SCHIP1: variants seen among roughly 807,000 people sequenced by gnomAD.
The protein encoded by SCHIP1 is schwannomin-interacting protein 1.
Under a neutral mutation model 29.7 loss-of-function variants are expected in SCHIP1, and 8 were observed. That is an observed-to-expected ratio of 0.27 (90% confidence interval 0.16 to 0.49). SCHIP1 has a LOEUF of 0.49. Among genes scored for constraint, SCHIP1 ranks in the 20% least tolerant of loss-of-function variants. SCHIP1 has a pLI of 0.99. For synonymous variants in SCHIP1, 76 were observed against 94.9 expected (o/e 0.80, Z 1.16); for missense variants, 193 against 294.6 (o/e 0.66, Z 2.52).
At chr3:159,699,569 G>T in the SCHIP1 span, among the ~76,000 whole-genome samples, 112 of 152,328 alleles carry the variant, frequency 7.4e-4, 2 homozygotes, top group East Asian at 0.018. Flanking sequence ...TGTGCAAACT[G>T]TGGTTGTAAG....
At chr3:159,424,461 G>T in the SCHIP1 span, among the ~76,000 whole-genome samples, 8 of 152,164 alleles carry the variant, frequency 5.3e-5, no homozygotes, top group African/African-American at 1.7e-4. Flanking sequence ...TGAAATGAAT[G>T]AAATGAAGTG....
the SCHIP1 span, among the ~76,000 whole-genome samples, chr3:159,620,282 C>A: frequency 2.6e-5 from 4 of 152,142 alleles, no homozygotes; most frequent in Non-Finnish European, 4.4e-5. Flanking sequence ...ATCTCTGATG[C>A]CACTGAGTGT....
chr3:159,421,623 A>G, the SCHIP1 span, among the ~76,000 whole-genome samples: 11 of 152,176 alleles, frequency 7.2e-5, no homozygotes, highest in Admixed American at 2.6e-4. Flanking sequence ...AATAGCCTGG[A>G]TGGTGTTTTG....
At chr3:159,534,023 T>A in the SCHIP1 span, among the ~76,000 whole-genome samples, 1 of 152,214 alleles carries the variant, frequency 6.6e-6, no homozygotes, top group South Asian at 2.1e-4. Context: ...TTTGGTCATC[T>A]TCATTCTTTG....
chr3:159,504,483 C>G, the SCHIP1 span, among the ~76,000 whole-genome samples: 1 of 152,134 alleles, frequency 6.6e-6, no homozygotes, highest in Non-Finnish European at 1.5e-5. Flanking sequence ...AATCTTCATA[C>G]ATTCAACAGG....
At chr3:159,423,359 C>G in the SCHIP1 span, among the ~76,000 whole-genome samples, 1 of 152,256 alleles carries the variant, frequency 6.6e-6, no homozygotes, top group Non-Finnish European at 1.5e-5. Flanking sequence ...CACCTGAATA[C>G]TGCACTTTTC....
the SCHIP1 span, among the ~76,000 whole-genome samples, chr3:159,414,157 G>A: frequency 2.6e-4 from 39 of 152,280 alleles, no homozygotes; most frequent in African/African-American, 8.7e-4. Context: ...ATGGAGAAAA[G>A]GATAAGAGTA....
At chr3:159,424,675 C>G in the SCHIP1 span, among the ~76,000 whole-genome samples, 2 of 152,102 alleles carry the variant, frequency 1.3e-5, no homozygotes, top group South Asian at 2.1e-4. Context: ...CATTCAGATT[C>G]AGGAAATACA....
chr3:159,454,930 T>C, the SCHIP1 span, among the ~76,000 whole-genome samples: 1 of 152,224 alleles, frequency 6.6e-6, no homozygotes, highest in Non-Finnish European at 1.5e-5. Flanking sequence ...TCTTTTAAAA[T>C]AGATCACTAT....
the SCHIP1 span, among the ~76,000 whole-genome samples, chr3:159,608,049 G>C: frequency 1.3e-5 from 2 of 152,132 alleles, no homozygotes; most frequent in Non-Finnish European, 2.9e-5. Flanking sequence ...AGGACTATTG[G>C]GGAAGCCATT....
the SCHIP1 span, among the ~76,000 whole-genome samples, chr3:159,646,183 A>G: frequency 6.6e-6 from 1 of 152,132 alleles, no homozygotes; most frequent in Non-Finnish European, 1.5e-5. Context: ...GATGCATCTC[A>G]CCACTCTCCA....
the SCHIP1 span, among the ~76,000 whole-genome samples, chr3:159,444,494 T>TA: frequency 0.026 from 3,905 of 150,666 alleles, 153 homozygotes; most frequent in African/African-American, 0.086. Context: ...TGCTGCACCT[T>TA]AAAAAAAAAG....
At chr3:159,412,407 G>A in the SCHIP1 span, among the ~76,000 whole-genome samples, 1 of 152,178 alleles carries the variant, frequency 6.6e-6, no homozygotes, top group East Asian at 1.9e-4. Context: ...GGCAAACAAG[G>A]ATATATGTAA....
chr3:159,719,568 G>A, the SCHIP1 span, among the ~76,000 whole-genome samples: 1 of 152,154 alleles, frequency 6.6e-6, no homozygotes, highest in African/African-American at 2.4e-5. Flanking sequence ...TCCAAAAGTG[G>A]GTGAAGGATA....
chr3:159,399,459 G>A, the SCHIP1 span, among the ~76,000 whole-genome samples: 2 of 152,140 alleles, frequency 1.3e-5, no homozygotes, highest in Non-Finnish European at 2.9e-5. Context: ...CCAGAACAGT[G>A]CTTGGGACAC....
chr3:159,430,539 G>C, the SCHIP1 span, among the ~76,000 whole-genome samples: 5 of 152,064 alleles, frequency 3.3e-5, no homozygotes, highest in Non-Finnish European at 7.4e-5. Flanking sequence ...GGTTCCTTGG[G>C]GCATTGAATA....
intron 1 of SCHIP1, among the ~76,000 whole-genome samples, chr3:159,848,664 C>T (rs971891963): frequency 6.6e-6 from 1 of 151,524 alleles, no homozygotes; most frequent in Middle Eastern, 3.2e-3. Context: ...TCCTAGGGGT[C>T]TCTCTTTTTT....
At chr3:159,775,258 T>C in the SCHIP1 span, among the ~76,000 whole-genome samples, 1 of 152,246 alleles carries the variant, frequency 6.6e-6, no homozygotes, top group African/African-American at 2.4e-5. Context: ...TACAAAAAGC[T>C]TCTATCAGGA....
chr3:159,587,040 C>A, the SCHIP1 span, among the ~76,000 whole-genome samples: 6 of 152,162 alleles, frequency 3.9e-5, no homozygotes, highest in African/African-American at 1.4e-4. Flanking sequence ...AAGTCTCTGG[C>A]TGCTGAATGC....
Sources: gnomAD v4.1 joint callset for allele counts (sites outside exome capture counted in the v4.1 genomes callset) on GRCh38, gnomAD v4.1.1 for gene constraint, MANE v1.5 for transcripts, NCBI Gene and HGNC (gene_info 2026-07-23, HGNC 2026-07-21) for gene names.